Variants in ZNF292 observed in about 807,000 individuals in gnomAD.
ZNF292 encodes the protein 16 zinc-finger domain protein.
In ZNF292, 26 loss-of-function variants were observed where a neutral mutation model predicts 217.9. That is an observed-to-expected ratio of 0.12 (90% CI 0.09 to 0.17). The LOEUF (loss-of-function observed/expected upper bound fraction) is 0.17, where lower values mean the gene tolerates loss of function less well. ZNF292 is among the 10% of genes least tolerant of loss of function. The pLI, the probability that ZNF292 is intolerant of heterozygous loss-of-function variation, is 1.00. For synonymous variants in ZNF292, 1,257 were observed against 1,124.1 expected (o/e 1.12, Z -2.37); for missense variants, 2,904 against 3,175.2 (o/e 0.91, Z 2.05).
intron 7 of ZNF292, among the ~76,000 whole-genome samples, chr6:87,252,887 C>A (rs1774999299): frequency 6.6e-6 from 1 of 151,942 alleles, no homozygotes. Context: ...CAGTTTTCAT[C>A]TTCCCTGTCA....
At position 87,261,268 on chromosome 6, in the gene ZNF292, G is replaced by A; in HGVS notation, c.7639G>A (p.Val2547Ile). Residue 2547 changes from valine (V) to isoleucine (I), a missense_variant, in exon 8 of 8, where the codon GTT (valine) becomes ATT (isoleucine). By Grantham distance (29) the Val-to-Ile change is conservative. Transcript: ENST00000369577. ...KNVSQNKKRK[V>I]EKAEPASAAE... ...TGTCTCACAAAATAAAAAAAGGAAAGTTGAAAAAGCTGAACCAGCATCAGC... is the reference window on the plus strand; with the variant it reads ...TGTCTCACAAAATAAAAAAAGGAAAATTGAAAAAGCTGAACCAGCATCAGC... 6.2e-7 allele frequency: 1 copy of A among 1,611,004 alleles called. No individual in the cohort carries two copies. Among genetic ancestry groups the A allele is most frequent in the East Asian group, 2.2e-5 (1 of 44,848 alleles).
chr6:87,213,529 G>T (rs976927682), intron 1 of ZNF292, among the ~76,000 whole-genome samples: 1 of 152,136 alleles, frequency 6.6e-6, no homozygotes, highest in African/African-American at 2.4e-5. Context: ...AGAGCAGGGG[G>T]TATGAGCCAG....
intron 7 of ZNF292, among the ~76,000 whole-genome samples, chr6:87,251,128 G>T (rs185488786): frequency 6.6e-6 from 1 of 152,246 alleles, no homozygotes; most frequent in African/African-American, 2.4e-5. Flanking sequence ...ATGAGAGAAT[G>T]GAATATTTGG....
chr6:87,181,788 TCTC>T (rs1470760192), intron 1 of ZNF292, among the ~76,000 whole-genome samples: 1 of 151,972 alleles, frequency 6.6e-6, no homozygotes, highest in African/African-American at 2.4e-5. Flanking sequence ...TTCAAGCAAT[TCTC>T]CTGCCTCAGC....
intron 1 of ZNF292, among the ~76,000 whole-genome samples, chr6:87,199,338 G>T (rs1025371669): frequency 6.6e-6 from 1 of 152,104 alleles, no homozygotes; most frequent in African/African-American, 2.4e-5. Flanking sequence ...AAAAAACCAG[G>T]TTGTCTTTTT....
At chr6:87,225,703 A>G (rs907093744) in intron 4 of ZNF292, among the ~76,000 whole-genome samples, 4 of 152,198 alleles carry the variant, frequency 2.6e-5, no homozygotes, top group Non-Finnish European at 5.9e-5. Flanking sequence ...TGCAAGAAGT[A>G]CCATCAGCCC....
At chr6:87,181,921 T>G (rs566019660) in intron 1 of ZNF292, among the ~76,000 whole-genome samples, 1 of 152,124 alleles carries the variant, frequency 6.6e-6, no homozygotes, top group African/African-American at 2.4e-5. Context: ...TGACCTCAGG[T>G]GATCCGCCCA....
intron 5 of ZNF292, among the ~76,000 whole-genome samples, chr6:87,242,998 C>T (rs960660528): frequency 3.9e-5 from 6 of 151,986 alleles, no homozygotes; most frequent in African/African-American, 1.2e-4. Flanking sequence ...CTATATTTTT[C>T]CCTCATGAAT....
Position 87,263,846 on chromosome 6 carries a change from CAG to C in ZNF292, c.*2046_*2047del, listed in dbSNP as rs1183387137. ...CTTGGCAAAACTGCCCTATATAGCA[CAG>C]TAGCAAGTAGGTTTATTTCTGATCA... On this transcript the variant is annotated 3_prime_UTR_variant, in exon 8 of 8. Transcript: ENST00000369577. 6.6e-6 allele frequency: 1 copy of C among 152,076 alleles called. No individual in the cohort carries two copies. Among genetic ancestry groups the C allele is most frequent in the African/African-American group, 2.4e-5 (1 of 41,414 alleles). 9.4% of individuals were successfully genotyped at this position (152,076 alleles called of 1,614,324 possible).
At chr6:87,203,033 A>G (rs1772139262) in intron 1 of ZNF292, among the ~76,000 whole-genome samples, 1 of 152,034 alleles carries the variant, frequency 6.6e-6, no homozygotes, top group Non-Finnish European at 1.5e-5. Context: ...CCCATGAATA[A>G]ATAGGGGACT....
In ZNF292 at chr6:87,182,364, G is replaced by A. The variant is rs538563019; in HGVS notation, c.168+26605G>A. On this transcript the variant is annotated intron_variant, in intron 1 of 7. Coordinates refer to ENST00000369577, the MANE Select transcript of ZNF292 (RefSeq NM_015021.3). ...TATTACTTTATTATCATGCTTGGTA[G>A]CTTAAAAAATTTCCACCTGGTTATT... 1.4e-3 allele frequency among the ~76,000 whole-genome samples: 213 copies of A among 152,262 alleles called. 1 individual carries two copies. Among genetic ancestry groups the A allele is most frequent in the Middle Eastern group, 0.01 (3 of 294 alleles).
chr6:87,243,422 A>G (rs548210453), intron 5 of ZNF292, 53 bp from the exon 6 acceptor site: 47 of 1,459,478 alleles, frequency 3.2e-5, no homozygotes, highest in African/African-American at 3.1e-4. Context: ...ATATTGCTCT[A>G]TATTCTAATA....
chr6:87,256,359 C>T lies in ZNF292; in HGVS notation c.2730C>T (p.Leu910=), dbSNP rs201151839. The T allele has an allele frequency of 6.2e-7, 1 of 1,611,218 alleles. No homozygotes were observed. Among genetic ancestry groups the T allele is most frequent in the African/African-American group, 1.3e-5 (1 of 75,062 alleles). Residue 910 remains leucine, a synonymous_variant, in exon 8 of 8, where the codon CTC becomes CTT. Coordinates refer to ENST00000369577, the MANE Select transcript of ZNF292 (RefSeq NM_015021.3). ...TKQDQISASE[L]RQANGPLSNG... ...AAGACCAGATTTCTGCCTCTGAGCT[C>T]AGGCAAGCTAATGGACCATTGTCAA...
At chr6:87,233,655 G>A in intron 5 of ZNF292, 128 bp downstream of exon 5, 1 of 1,429,658 alleles carries the variant, frequency 7.0e-7, no homozygotes, top group South Asian at 1.6e-5. Context: ...TTTTTGGTAT[G>A]TTCTTGAGTG....
At chr6:87,246,000 A>G (rs1001468154) in intron 7 of ZNF292, among the ~76,000 whole-genome samples, 5 of 152,254 alleles carry the variant, frequency 3.3e-5, no homozygotes, top group Admixed American at 2.6e-4. Flanking sequence ...TGGGAGGCCA[A>G]GGCAGGCAGA....
chr6:87,206,818 G>A lies in ZNF292; in HGVS notation c.169-9085G>A, dbSNP rs150590749. ...ACTTAGAGACACAGCATGCAAAAACGTCATCACACACGCAGAACCTTATTG... is the reference window on the plus strand; with the variant it reads ...ACTTAGAGACACAGCATGCAAAAACATCATCACACACGCAGAACCTTATTG... On this transcript the variant is annotated intron_variant, in intron 1 of 7. Coordinates refer to ENST00000369577, the MANE Select transcript of ZNF292 (RefSeq NM_015021.3). 2.8e-3 allele frequency among the ~76,000 whole-genome samples: 424 copies of A among 152,278 alleles called. 4 individuals carry two copies. Among genetic ancestry groups the A allele is most frequent in the African/African-American group, 8.4e-3 (349 of 41,534 alleles).
intron 1 of ZNF292, among the ~76,000 whole-genome samples, chr6:87,181,295 T>C (rs993984343): frequency 6.6e-6 from 1 of 151,436 alleles, no homozygotes; most frequent in Non-Finnish European, 1.5e-5. Flanking sequence ...AGCCAGAAGG[T>C]GGGGAGGGGT....
intron 1 of ZNF292, among the ~76,000 whole-genome samples, chr6:87,160,582 AAT>A (rs1039358121): frequency 4.6e-5 from 7 of 151,438 alleles, no homozygotes; most frequent in Non-Finnish European, 7.4e-5. Flanking sequence ...CTAATAAAAA[AAT>A]ATGTTTGTGT....
chr6:87,224,180 C>T (rs751891682), intron 4 of ZNF292, among the ~76,000 whole-genome samples: 1 of 152,160 alleles, frequency 6.6e-6, no homozygotes, highest in African/African-American at 2.4e-5. Context: ...TTTATTCTTA[C>T]ATTCTCCACT....
Sources: gnomAD v4.1 joint callset for allele counts (sites outside exome capture counted in the v4.1 genomes callset) on GRCh38, gnomAD v4.1.1 for gene constraint, MANE v1.5 for transcripts, NCBI Gene and HGNC (gene_info 2026-07-23, HGNC 2026-07-21) for gene names.